CDH12: variants seen among roughly 807,000 people sequenced by gnomAD.
CDH12 encodes cadherin-12.
A neutral mutation model predicts 74.1 loss-of-function variants in CDH12; 41 were observed. The observed-to-expected ratio is 0.55, with a 90% CI of 0.43 to 0.72. The LOEUF (loss-of-function observed/expected upper bound fraction) is 0.72, where lower values mean the gene tolerates loss of function less well. CDH12 is among the 30% of genes least tolerant of loss of function. The pLI is 0.00. For synonymous variants in CDH12, 399 were observed against 355.0 expected (o/e 1.12, Z -1.39); for missense variants, 945 against 977.2 (o/e 0.97, Z 0.44).
intron 6 of CDH12, chr5:21,884,066 G>T: frequency 7.0e-7 from 1 of 1,438,000 alleles, no homozygotes; most frequent in Non-Finnish European, 9.8e-7. Flanking sequence ...TGATAGTTGA[G>T]AAAATTATGC....
chr5:22,739,520 G>T (rs1160208502), intron 1 of CDH12, among the ~76,000 whole-genome samples: 2 of 151,958 alleles, frequency 1.3e-5, no homozygotes, highest in African/African-American at 2.4e-5. Flanking sequence ...AACAAAATAA[G>T]CACAAGATTT....
chr5:22,589,488 G>T (rs1740576003), intron 1 of CDH12, among the ~76,000 whole-genome samples: 1 of 151,990 alleles, frequency 6.6e-6, no homozygotes, highest in Non-Finnish European at 1.5e-5. Flanking sequence ...TTCCTTTTTT[G>T]TTGAGAATTA....
chr5:22,169,276 T>C (rs1445646047), intron 4 of CDH12, among the ~76,000 whole-genome samples: 2 of 152,040 alleles, frequency 1.3e-5, no homozygotes, highest in Non-Finnish European at 2.9e-5. Context: ...CTTTATAAGT[T>C]GAACTCATTT....
intron 1 of CDH12, among the ~76,000 whole-genome samples, chr5:22,624,495 T>G (rs372109554): frequency 1.3e-5 from 2 of 152,030 alleles, no homozygotes; most frequent in East Asian, 1.9e-4. Context: ...AAAATGTGGA[T>G]GAAGGATATG....
At chr5:22,256,749 G>A (rs1401437978) in intron 3 of CDH12, among the ~76,000 whole-genome samples, 2 of 152,030 alleles carry the variant, frequency 1.3e-5, no homozygotes, top group Admixed American at 6.6e-5. Context: ...TAATGTGTGT[G>A]TTTGTGCCTT....
At chr5:22,700,857 A>G (rs1742677028) in intron 1 of CDH12, among the ~76,000 whole-genome samples, 2 of 152,222 alleles carry the variant, frequency 1.3e-5, no homozygotes, top group African/African-American at 4.8e-5. Context: ...AGTGGTGTTT[A>G]TATTACATCT....
intron 1 of CDH12, among the ~76,000 whole-genome samples, chr5:22,523,981 A>ATTT (rs761099580): frequency 5.6e-5 from 8 of 142,182 alleles, no homozygotes; most frequent in Admixed American, 2.1e-4. Flanking sequence ...TATTATTATT[A>ATTT]TTTTTTTTTT....
At chr5:22,716,515 T>C (rs1247907976) in intron 1 of CDH12, among the ~76,000 whole-genome samples, 1 of 152,028 alleles carries the variant, frequency 6.6e-6, no homozygotes, top group Non-Finnish European at 1.5e-5. Context: ...TGTATAATAA[T>C]AATAATTCTA....
In CDH12 at chr5:21,854,742, T is replaced by C. The variant is rs746993097; in HGVS notation, c.575A>G (p.Tyr192Cys). The C allele has an allele frequency of 6.2e-7, 1 of 1,609,526 alleles. No homozygotes were observed. The highest frequency in any genetic ancestry group is 8.5e-7 in the Non-Finnish European group (1 of 1,176,914). ...GTAAACGACTCTGGCACTGTTTCCA[T>C]AGGTCGGGTCATCTGCATCTGTGGC... ...VKATDADDPT[Y>C]GNSARVVYSI... The change falls in exon 7 of 15, where the codon TAT becomes TGT. Residue 192 changes from tyrosine (Y) to cysteine (C), a missense_variant. Transcript: ENST00000382254.
chr5:22,445,038 T>G (rs1021000801), intron 2 of CDH12, among the ~76,000 whole-genome samples: 1 of 152,060 alleles, frequency 6.6e-6, no homozygotes, highest in Non-Finnish European at 1.5e-5. Context: ...GTTTCTATAA[T>G]AAAATAAATG....
At chr5:22,847,350 T>C (rs1248971379) in intron 1 of CDH12, among the ~76,000 whole-genome samples, 3 of 152,198 alleles carry the variant, frequency 2.0e-5, no homozygotes, top group Non-Finnish European at 4.4e-5. Flanking sequence ...ATCACATCCC[T>C]TAAAATAATG....
chr5:22,701,971 T>C (rs1742734658), intron 1 of CDH12, among the ~76,000 whole-genome samples: 1 of 152,136 alleles, frequency 6.6e-6, no homozygotes, highest in Admixed American at 6.5e-5. Context: ...GACTGACATT[T>C]GATATAACAA....
At chr5:22,569,771 G>A (rs1739456775) in intron 1 of CDH12, among the ~76,000 whole-genome samples, 1 of 152,034 alleles carries the variant, frequency 6.6e-6, no homozygotes, top group Non-Finnish European at 1.5e-5. Flanking sequence ...TCTAACTCTA[G>A]TTTTTTTGCT....
chr5:22,575,143 G>A (rs533876320), intron 1 of CDH12, among the ~76,000 whole-genome samples: 3 of 152,124 alleles, frequency 2.0e-5, no homozygotes, highest in Non-Finnish European at 4.4e-5. Flanking sequence ...ATGAATGCAA[G>A]GAGGGAGAAA....
chr5:21,832,450 A>G (rs1749077719), intron 8 of CDH12, among the ~76,000 whole-genome samples: 1 of 152,032 alleles, frequency 6.6e-6, no homozygotes. Flanking sequence ...AGTGTTTTTC[A>G]CTGAGCTTGC....
intron 3 of CDH12, among the ~76,000 whole-genome samples, chr5:22,404,825 C>T (rs921134444): frequency 1.3e-5 from 2 of 152,120 alleles, no homozygotes; most frequent in Non-Finnish European, 2.9e-5. Context: ...AATTTTAAGA[C>T]ATTACAAATT....
At chr5:22,714,480 A>G (rs571294144) in intron 1 of CDH12, among the ~76,000 whole-genome samples, 1 of 152,344 alleles carries the variant, frequency 6.6e-6, no homozygotes, top group African/African-American at 2.4e-5. Flanking sequence ...TAAAATAATT[A>G]GATAAATATG....
At chr5:22,459,954 T>C (rs111697634) in intron 2 of CDH12, among the ~76,000 whole-genome samples, 5 of 152,050 alleles carry the variant, frequency 3.3e-5, no homozygotes, top group African/African-American at 9.6e-5. Flanking sequence ...GGCAACAGAG[T>C]GAGGCTTCAT....
chr5:22,355,668 C>T (rs907691732), intron 3 of CDH12, among the ~76,000 whole-genome samples: 7 of 151,984 alleles, frequency 4.6e-5, no homozygotes, highest in Admixed American at 1.3e-4. Context: ...GACCTGCTCT[C>T]GGATCTCATT....
Sources: gnomAD v4.1 joint callset for allele counts (sites outside exome capture counted in the v4.1 genomes callset) on GRCh38, gnomAD v4.1.1 for gene constraint, MANE v1.5 for transcripts, NCBI Gene and HGNC (gene_info 2026-07-23, HGNC 2026-07-21) for gene names.